The following RASA1 variants were observed in gnomAD, a reference collection of about 807,000 sequenced individuals.
RASA1 encodes RAS p21 protein activator 1.
A neutral mutation model predicts 132.2 loss-of-function variants in RASA1; 25 were observed. The observed-to-expected ratio is 0.19, with a 90% CI of 0.14 to 0.26. The LOEUF (loss-of-function observed/expected upper bound fraction) is 0.26, where lower values mean the gene tolerates loss of function less well. RASA1 is among the 10% of genes least tolerant of loss of function. RASA1 has a pLI of 1.00. For missense variants in RASA1, 964 were observed against 1,299.2 expected (o/e 0.74, Z 3.97); for synonymous variants, 477 against 449.9 (o/e 1.06, Z -0.76).
At chr5:87,286,811 T>TAC (rs919850166) in intron 1 of RASA1, among the ~76,000 whole-genome samples, 1 of 149,916 alleles carries the variant, frequency 6.7e-6, no homozygotes, top group Non-Finnish European at 1.5e-5. Context: ...CATAAACGTA[T>TAC]ACACACACAC....
intron 4 of RASA1, among the ~76,000 whole-genome samples, chr5:87,337,411 G>A (rs1184846038): frequency 6.6e-6 from 1 of 152,004 alleles, no homozygotes; most frequent in Non-Finnish European, 1.5e-5. Context: ...ATTGGATAAT[G>A]GGTATCTGGG....
chr5:87,307,658 T>C (rs1755683315), intron 1 of RASA1, among the ~76,000 whole-genome samples: 1 of 152,258 alleles, frequency 6.6e-6, no homozygotes, highest in South Asian at 2.1e-4. Flanking sequence ...TTTTAAAATT[T>C]ATTCCCCTTT....
At chr5:87,316,033 A>C (rs915246475) in intron 1 of RASA1, among the ~76,000 whole-genome samples, 1 of 152,242 alleles carries the variant, frequency 6.6e-6, no homozygotes, top group Admixed American at 6.5e-5. Flanking sequence ...TAAAATCTGT[A>C]TACCAAATAA....
At chr5:87,269,596 C>T (rs1753732257) in intron 1 of RASA1, among the ~76,000 whole-genome samples, 1 of 152,114 alleles carries the variant, frequency 6.6e-6, no homozygotes, top group South Asian at 2.1e-4. Flanking sequence ...GCCTATATTC[C>T]AACAATGTAT....
intron 24 of RASA1, 110 bp from the exon 25 acceptor site, chr5:87,390,690 T>C: frequency 1.2e-6 from 1 of 828,972 alleles, no homozygotes; most frequent in Non-Finnish European, 2.1e-6. Context: ...ATTGTGGTAA[T>C]ATTTTATGCA....
Position 87,268,438 on chromosome 5 carries a change from G to C in RASA1, c.-14G>C. On this transcript the variant is annotated 5_prime_UTR_variant, in exon 1 of 25. Coordinates refer to ENST00000274376, the MANE Select transcript of RASA1 (RefSeq NM_002890.3). ...CGGGCGGGCAGGGTAGGGCAGAGTAGAGCGGGCTTCAACATGATGGCGGCC... is the reference window on the plus strand; with the variant it reads ...CGGGCGGGCAGGGTAGGGCAGAGTACAGCGGGCTTCAACATGATGGCGGCC... 6.5e-7 allele frequency: 1 copy of C among 1,539,716 alleles called. No homozygotes were observed. Among genetic ancestry groups the C allele is most frequent in the African/African-American group, 1.4e-5 (1 of 72,876 alleles).
intron 1 of RASA1, among the ~76,000 whole-genome samples, chr5:87,308,728 A>G (rs1321083986): frequency 6.6e-6 from 1 of 152,202 alleles, no homozygotes; most frequent in Non-Finnish European, 1.5e-5. Context: ...TTATAATGCC[A>G]TATTTTTATT....
chr5:87,279,047 C>A (rs1249359103), intron 1 of RASA1, among the ~76,000 whole-genome samples: 2 of 151,402 alleles, frequency 1.3e-5, no homozygotes, highest in East Asian at 3.9e-4. Context: ...AGTTCAAGAC[C>A]AGCCTGGGCA....
intron 12 of RASA1, 44 bp downstream of exon 12, chr5:87,369,944 C>G (rs750734702): frequency 2.0e-6 from 3 of 1,477,994 alleles, no homozygotes; most frequent in Non-Finnish European, 2.8e-6. Flanking sequence ...TTTATGTTAG[C>G]CCATGTTTTC....
rs186396499 is a variant in RASA1, at chr5:87,337,913, C to T, written c.900-61C>T. ...CCCTATCCTATTTTGTGGTATATGA[C>T]TATTCTAATCTCTGTATTTAAAATT... On this transcript the variant is annotated intron_variant, in intron 4 of 24. Transcript: ENST00000274376. 11 of 1,483,824 alleles carry T rather than the reference C, an allele frequency of 7.4e-6. No individual in the cohort carries two copies. In the East Asian group the frequency reaches 1.8e-4, roughly 24 times the overall value. The allele number at this position is 1,483,824 out of a possible 1,614,324, so 91.9% of individuals were successfully genotyped here.
intron 1 of RASA1, among the ~76,000 whole-genome samples, chr5:87,309,184 AT>A (rs898717657): frequency 2.6e-5 from 4 of 152,096 alleles, no homozygotes; most frequent in Admixed American, 2.6e-4. Context: ...CCCAGGCACT[AT>A]TTTAGGTGGT....
intron 1 of RASA1, among the ~76,000 whole-genome samples, chr5:87,286,927 A>G (rs948640636): frequency 6.7e-6 from 1 of 149,582 alleles, no homozygotes; most frequent in South Asian, 2.1e-4. Flanking sequence ...ATATATATAC[A>G]TACCATATAT....
At chr5:87,357,205 G>A (rs991658111) in intron 9 of RASA1, among the ~76,000 whole-genome samples, 3 of 151,748 alleles carry the variant, frequency 2.0e-5, no homozygotes, top group African/African-American at 7.3e-5. Flanking sequence ...AGAGAAGTTA[G>A]CCAGAACATA....
chr5:87,351,220 A>G (rs572467845), intron 8 of RASA1, among the ~76,000 whole-genome samples: 1 of 151,868 alleles, frequency 6.6e-6, no homozygotes, highest in East Asian at 1.9e-4. Context: ...AGCAAATTTA[A>G]TTCAGCAGCC....
intron 1 of RASA1, among the ~76,000 whole-genome samples, chr5:87,283,148 G>GTTTTTTTTTTTTTTGTT (rs1754395671): frequency 1.9e-5 from 2 of 103,248 alleles, no homozygotes; most frequent in African/African-American, 3.6e-5. Flanking sequence ...TTTTTTTTGT[G>GTTTTTTTTTTTTTTGTT]TTTTTTTTTT....
chr5:87,387,004 A>C, intron 23 of RASA1, 101 bp downstream of exon 23: 1 of 1,129,242 alleles, frequency 8.9e-7, no homozygotes, highest in African/African-American at 1.6e-5. Context: ...TCTATCCAAA[A>C]CTAAAAAGAC....
chr5:87,333,116 A>T (rs1580284052), intron 3 of RASA1, 151 bp from the exon 4 acceptor site: 1 of 1,176,732 alleles, frequency 8.5e-7, no homozygotes, highest in East Asian at 2.7e-5. Context: ...CTTTCTAGGC[A>T]CTGGGTATTT....
chr5:87,276,022 A>G (rs1282109687), intron 1 of RASA1, among the ~76,000 whole-genome samples: 1 of 152,162 alleles, frequency 6.6e-6, no homozygotes, highest in Non-Finnish European at 1.5e-5. Flanking sequence ...TGCATTAAAT[A>G]TGGGAGGGGA....
At chr5:87,377,066 T>C (rs776215551) in intron 17 of RASA1, 26 bp downstream of exon 17, 23 of 1,600,898 alleles carry the variant, frequency 1.4e-5, no homozygotes, top group East Asian at 2.2e-5. Context: ...GTTAGTGTGA[T>C]ACAAGAAACT....
Sources: allele counts gnomAD v4.1 joint callset (sites outside exome capture counted in the v4.1 genomes callset), GRCh38; gene constraint gnomAD v4.1.1; transcripts MANE v1.5; gene names NCBI Gene and HGNC (gene_info 2026-07-23, HGNC 2026-07-21).